The following MCF2 variants were observed in gnomAD, a reference collection of about 807,000 sequenced individuals.
MCF2 encodes MCF.2 cell line derived transforming sequence.
A neutral mutation model predicts 82.5 loss-of-function variants in MCF2; 44 were observed. That is an observed-to-expected ratio of 0.53 (90% CI 0.42 to 0.69). The LOEUF is 0.69. Among genes scored for constraint, MCF2 ranks in the 30% least tolerant of loss-of-function variants. MCF2 has a pLI of 0.00. For synonymous variants in MCF2, 217 were observed against 224.9 expected (o/e 0.96, Z 0.32); for missense variants, 623 against 663.1 (o/e 0.94, Z 0.66).
intron 1 of MCF2, among the ~76,000 whole-genome samples, chrX:139,689,662 T>TTTTTTTTTTTTTTTGAGACGGA (rs1569402957): frequency 6.4e-5 from 7 of 108,699 alleles, no homozygotes; most frequent in African/African-American, 2.4e-4. Flanking sequence ...CTTATTTCCT[T>TTTTTTTTTTTTTTTGAGACGGA]GCCTGGAATA....
intron 6 of MCF2, among the ~76,000 whole-genome samples, chrX:139,622,192 A>T (rs867666411): frequency 2.7e-5 from 3 of 112,058 alleles, no homozygotes; most frequent in Non-Finnish European, 5.6e-5. Flanking sequence ...ACCATCTCAC[A>T]CAAGTTAGAA....
intron 1 of MCF2, among the ~76,000 whole-genome samples, chrX:139,697,109 G>T (rs1935399985): frequency 9.0e-6 from 1 of 111,502 alleles, no homozygotes; most frequent in African/African-American, 3.3e-5. Flanking sequence ...AGGGCAGGAG[G>T]GTAGTCCAGG....
At chrX:139,588,922 G>C (rs1300000320) in intron 20 of MCF2, among the ~76,000 whole-genome samples, 2 of 108,027 alleles carry the variant, frequency 1.9e-5, no homozygotes, top group African/African-American at 6.8e-5. Flanking sequence ...AGGGTGAGAC[G>C]CTGTCTCAAA....
At chrX:139,662,750 CTTCT>C (rs1484347808) in intron 1 of MCF2, among the ~76,000 whole-genome samples, 1 of 110,280 alleles carries the variant, frequency 9.1e-6, no homozygotes, top group Non-Finnish European at 1.9e-5. Flanking sequence ...GAATTTATTC[CTTCT>C]AATTGTATGT....
chrX:139,638,753 G>T (rs904971169), intron 1 of MCF2, among the ~76,000 whole-genome samples: 1 of 111,838 alleles, frequency 8.9e-6, no homozygotes, highest in African/African-American at 3.2e-5. Context: ...GAACCAAAAA[G>T]CTTCATAGAT....
intron 23 of MCF2, 81 bp downstream of exon 27, chrX:139,586,297 T>G: frequency 1.4e-6 from 1 of 694,696 alleles, no homozygotes. Context: ...AAATACCAAG[T>G]GGGTAGATTT....
intron 1 of MCF2, among the ~76,000 whole-genome samples, chrX:139,686,314 G>A (rs1304189165): frequency 9.0e-6 from 1 of 111,626 alleles, no homozygotes; most frequent in Non-Finnish European, 1.9e-5. Context: ...AATAGGAAGA[G>A]AGGAAGTCAA....
At chrX:139,701,185 T>C (rs1249891042) in intron 1 of MCF2, among the ~76,000 whole-genome samples, 4 of 111,733 alleles carry the variant, frequency 3.6e-5, no homozygotes, top group African/African-American at 1.3e-4. Context: ...CCTAAAGCAA[T>C]GATTTCCAGT....
At chrX:139,688,719 T>A (rs1474515352) in intron 1 of MCF2, among the ~76,000 whole-genome samples, 3 of 111,396 alleles carry the variant, frequency 2.7e-5, no homozygotes, top group Non-Finnish European at 5.7e-5. Flanking sequence ...AGGGAAAATA[T>A]AAAGAACAAG....
rs1252518559 is a variant in MCF2 at position 139,616,532 on chromosome X, T to C, written c.1000-59A>G. The C allele has an allele frequency of 1.4e-5, 10 of 739,995 alleles. No individual in the cohort carries two copies. In the East Asian group the frequency reaches 3.2e-4, roughly 24 times the overall value. 61.0% of individuals were successfully genotyped at this position (739,995 alleles called of 1,213,427 possible). ...ATGAATTAATAAAGAGAAAACATAT[T>C]TGTCCAATAAGTGAGTGGTTCTCAG... On this transcript the variant is annotated intron_variant, in intron 8 of 24. Coordinates refer to ENST00000370576, the Ensembl canonical transcript of MCF2.
exon 2 of MCF2, chrX:139,651,784 G>A (rs749937480): frequency 8.5e-5 from 96 of 1,133,740 alleles, no homozygotes; most frequent in South Asian, 6.3e-4. Context: ...GGAGCAGATC[G>A]GTTTCTATGA....
intron 1 of MCF2, among the ~76,000 whole-genome samples, chrX:139,700,676 T>G (rs1935474839): frequency 8.9e-6 from 1 of 112,197 alleles, no homozygotes. Context: ...TTCTTCAGGA[T>G]ACAAAGAAAG....
At chrX:139,592,149 A>G (rs1192328440) in intron 19 of MCF2, among the ~76,000 whole-genome samples, 2 of 111,649 alleles carry the variant, frequency 1.8e-5, no homozygotes, top group East Asian at 2.8e-4. Flanking sequence ...CCTTGTAGGC[A>G]TCACTGGCTA....
At chrX:139,651,831 T>A in intron 1 of MCF2, 43 bp from the exon 2 acceptor site, 1 of 799,298 alleles carries the variant, frequency 1.3e-6, no homozygotes. Context: ...CATGTTAAGG[T>A]ACAGCCTTAC....
intron 1 of MCF2, among the ~76,000 whole-genome samples, chrX:139,674,818 G>A (rs1214405736): frequency 9.0e-6 from 1 of 111,526 alleles, no homozygotes; most frequent in Non-Finnish European, 1.9e-5. Flanking sequence ...TGCTCTTCTT[G>A]AGGATTATCT....
chrX:139,690,716 T>C (rs1411592167), intron 1 of MCF2, among the ~76,000 whole-genome samples: 1 of 111,870 alleles, frequency 8.9e-6, no homozygotes, highest in Non-Finnish European at 1.9e-5. Context: ...GGAACATGTG[T>C]TGTGGCTATC....
At chrX:139,615,397 G>C (rs113097872) in intron 9 of MCF2, among the ~76,000 whole-genome samples, 29 of 111,625 alleles carry the variant, frequency 2.6e-4, no homozygotes, top group Non-Finnish European at 4.9e-4. Context: ...AAGCCACCAA[G>C]TTATAAAAAC....
rs1230036514 is a variant in MCF2 at position 139,626,561 on chromosome X, A to G, written c.572+62T>C. The G allele has an allele frequency of 4.7e-6, 5 of 1,070,179 alleles. No individual in the cohort carries two copies. The African/African-American group carries it at 7.5e-5, about 16-fold the overall frequency. The allele number at this position is 1,070,179 out of a possible 1,213,427, so 88.2% of individuals were successfully genotyped here. A position where few individuals can be genotyped will look rare whatever the true frequency, so the allele number is the denominator to read the frequency against. On this transcript the variant is annotated intron_variant, in intron 5 of 24. Transcript: ENST00000370576. ...TAACACTTAACATATTGCAGCAAAA[A>G]TGTATAATTTCCTTTCAAAAATATA... is the stretch of plus-strand genomic sequence containing the variant.
chrX:139,656,058 G>GTTTTGT (rs1934187181), intron 1 of MCF2, among the ~76,000 whole-genome samples: 2 of 111,577 alleles, frequency 1.8e-5, no homozygotes, highest in Non-Finnish European at 3.8e-5. Context: ...TTGTTTGTTT[G>GTTTTGT]TTTTGTTTTT....
Sources: allele counts gnomAD v4.1 joint callset (sites outside exome capture counted in the v4.1 genomes callset), GRCh38; gene constraint gnomAD v4.1.1; transcripts MANE v1.5; gene names NCBI Gene and HGNC (gene_info 2026-07-23, HGNC 2026-07-21).